The following HSP90AA1 variants were observed in gnomAD, a reference collection of about 807,000 sequenced individuals.
The protein encoded by HSP90AA1 is heat shock protein HSP 90-alpha.
Under a neutral mutation model 73.3 loss-of-function variants are expected in HSP90AA1, and 18 were observed. The ratio of observed to expected loss-of-function variants is 0.25; its 90% CI spans 0.17 to 0.36. The LOEUF is 0.36. Among genes scored for constraint, HSP90AA1 ranks in the 10% least tolerant of loss-of-function variants. The pLI is 1.00. For synonymous variants in HSP90AA1, 477 were observed against 296.9 expected, an observed-to-expected ratio of 1.61 and a Z score of -6.24; for missense variants, 704 against 874.2, an observed-to-expected ratio of 0.81 and a Z score of 2.45.
At chr14:102,092,811 C>G (rs1023735851) in intron 2 of HSP90AA1, among the ~76,000 whole-genome samples, 2 of 152,056 alleles carry the variant, frequency 1.3e-5, no homozygotes, top group Non-Finnish European at 2.9e-5. Flanking sequence ...AGTGCAGTGG[C>G]AAAATCTCGG....
chr14:102,083,479 AACAC>A, intron 8 of HSP90AA1, 63 bp downstream of exon 8: 1 of 1,520,174 alleles, frequency 6.6e-7, no homozygotes, highest in Non-Finnish European at 9.1e-7. Context: ...CTGAGTAGAA[AACAC>A]ACCCACAGAG....
intron 1 of HSP90AA1, among the ~76,000 whole-genome samples, chr14:102,120,719 G>C (rs866487598): frequency 2.0e-5 from 3 of 151,914 alleles, no homozygotes; most frequent in Non-Finnish European, 4.4e-5. Flanking sequence ...GAGGCGGGCC[G>C]ATTACCTCAG....
intron 9 of HSP90AA1, chr14:102,082,755 G>A (rs1468069354): frequency 6.0e-6 from 3 of 503,790 alleles, no homozygotes; most frequent in South Asian, 2.1e-5. Flanking sequence ...CAAGTGGCTA[G>A]GATTACAGGC....
chr14:102,120,770 CTATCTCTACTAAAAATACAAAAAT>C (rs1379148237), intron 1 of HSP90AA1, among the ~76,000 whole-genome samples: 1 of 151,766 alleles, frequency 6.6e-6, no homozygotes, highest in Non-Finnish European at 1.5e-5. Flanking sequence ...TGGTGAAACC[CTATCTCTACTAAAAATACAAAAAT>C]TAGCGTGGCG....
At chr14:102,106,446 G>C (rs1400646391) in intron 1 of HSP90AA1, among the ~76,000 whole-genome samples, 2 of 151,712 alleles carry the variant, frequency 1.3e-5, no homozygotes, top group African/African-American at 2.4e-5. Context: ...AAGAAATCCT[G>C]ATTATGCAAT....
rs541930960 is a variant in HSP90AA1 at position 102,135,889 on chromosome 14, TCTCCCTGCACAC to T, written c.155+3349_155+3360del. On this transcript the variant is annotated intron_variant, in intron 1 of 11. Transcript: ENST00000334701. ...CGCAGCCCCGGTTCCCGCTCTCGCC[TCTCCCTGCACAC>T]CTCCCTGCAAGCTGAGGGAGTGGGC... 1.8e-4 allele frequency among the ~76,000 whole-genome samples: 27 copies of T among 152,160 alleles called. No homozygotes were observed. The East Asian group carries it at 5.2e-3, about 30-fold the overall frequency.
At chr14:102,107,909 T>C (rs921634421) in intron 1 of HSP90AA1, among the ~76,000 whole-genome samples, 10 of 151,838 alleles carry the variant, frequency 6.6e-5, no homozygotes, top group African/African-American at 2.4e-4. Flanking sequence ...GCTTCTGGTT[T>C]CTGTAATTGT....
At chr14:102,094,839 C>T (rs1214524373) in intron 2 of HSP90AA1, among the ~76,000 whole-genome samples, 2 of 152,148 alleles carry the variant, frequency 1.3e-5, no homozygotes, top group African/African-American at 4.8e-5. Flanking sequence ...CCCGCATCCA[C>T]TCTGACCGTG....
rs369417801 is a variant in HSP90AA1 at position 102,084,807 on chromosome 14, G to T, written c.855C>A (p.Ile285=). The change falls in exon 5 of 11, where the codon ATC becomes ATA. Residue 285 remains isoleucine (I), a synonymous_variant. Coordinates refer to ENST00000216281, the MANE Select transcript of HSP90AA1 (RefSeq NM_005348.4). The part of the protein sequence containing the change: ...KKKKKIKEKY[I]DQEELNKTKP... ...TTGTTTTGTTGAGCTCTTCTTGATC[G>T]ATGTACTTTTCCTTAATCTTCTTCT... 2 of 1,613,268 alleles carry T rather than the reference G, an allele frequency of 1.2e-6. No homozygotes were observed. The highest frequency in any genetic ancestry group is 1.7e-6 in the Non-Finnish European group (2 of 1,179,376).
At chr14:102,126,110 T>C (rs2049835768) in intron 1 of HSP90AA1, among the ~76,000 whole-genome samples, 1 of 152,062 alleles carries the variant, frequency 6.6e-6, no homozygotes, top group Non-Finnish European at 1.5e-5. Context: ...AGCCTTTAAG[T>C]TGAAAAGTGA....
chr14:102,084,056 C>G, intron 6 of HSP90AA1, 73 bp from the exon 7 acceptor site: 1 of 1,126,880 alleles, frequency 8.9e-7, no homozygotes, highest in African/African-American at 1.5e-5. Context: ...CTCCCAAAAT[C>G]AAAGATAACC....
At chr14:102,117,232 G>A (rs995603432) in intron 1 of HSP90AA1, among the ~76,000 whole-genome samples, 5 of 152,160 alleles carry the variant, frequency 3.3e-5, no homozygotes, top group South Asian at 2.1e-4. Flanking sequence ...GAAGTAGACC[G>A]GCTCCAGGGT....
chr14:102,116,128 T>C (rs567582917), intron 1 of HSP90AA1, among the ~76,000 whole-genome samples: 1 of 152,198 alleles, frequency 6.6e-6, no homozygotes, highest in East Asian at 1.9e-4. Flanking sequence ...ATTTTTTTTG[T>C]ATTTTTAGTA....
chr14:102,114,711 C>G (rs980455397), intron 1 of HSP90AA1, among the ~76,000 whole-genome samples: 1 of 152,080 alleles, frequency 6.6e-6, no homozygotes, highest in Non-Finnish European at 1.5e-5. Context: ...TATAGAAATT[C>G]TTTGTTTTAG....
At chr14:102,126,910 G>C (rs541649577) in intron 1 of HSP90AA1, among the ~76,000 whole-genome samples, 2 of 152,174 alleles carry the variant, frequency 1.3e-5, no homozygotes, top group East Asian at 3.9e-4. Context: ...ATTAACAAAT[G>C]AATCTTACTT....
chr14:102,131,294 C>A (rs1360365360), intron 1 of HSP90AA1, among the ~76,000 whole-genome samples: 42 of 152,204 alleles, frequency 2.8e-4, no homozygotes, highest in Non-Finnish European at 1.5e-4. Context: ...CTCCCACAAG[C>A]CACATCCCAT....
rs139051948 is a variant in HSP90AA1, at chr14:102,086,022, G to C, written c.265C>G (p.Leu89Val). The C allele has an allele frequency of 6.2e-7, 1 of 1,613,940 alleles. No homozygotes were observed. The highest frequency in any genetic ancestry group is 1.1e-5 in the South Asian group (1 of 91,074). ...CCAATTCCAGTATCCACAATAGTGA[G>C]AGTTCGATCTTGTTTGTTCGGTATA... The part of the protein sequence containing the change: ...NLIPNKQDRT[L>V]TIVDTGIGMT... The change falls in exon 3 of 11, where the codon CTC (leucine) becomes GTC (valine). Residue 89 changes from leucine (L) to valine (V), a missense_variant. By Grantham distance (32) the Leu-to-Val change is conservative. Coordinates refer to ENST00000216281, the MANE Select transcript of HSP90AA1 (RefSeq NM_005348.4).
rs2050167776 is a variant in HSP90AA1, at chr14:102,139,307, CG to C, written c.97del (p.Arg33ValfsTer18). The C allele has an allele frequency of 6.2e-7, 1 of 1,613,808 alleles. No homozygotes were observed. Among genetic ancestry groups the C allele is most frequent in the Non-Finnish European group, 8.5e-7 (1 of 1,180,032 alleles). ...GGGGCTTCCTGGGCGGGGATCCAGA[CG>C]GTCGCGCGGGTATTCAGCACTCTGG... On this transcript the variant is annotated frameshift_variant, in exon 1 of 12. Transcript: ENST00000334701. LOFTEE classifies it high-confidence loss of function.
chr14:102,108,616 GC>G (rs1465167265), intron 1 of HSP90AA1, among the ~76,000 whole-genome samples: 3 of 146,010 alleles, frequency 2.1e-5, no homozygotes, highest in African/African-American at 7.7e-5. Flanking sequence ...GCTTACTGCA[GC>G]CTCAACCTCC....
Sources: gnomAD v4.1 joint callset for allele counts (sites outside exome capture counted in the v4.1 genomes callset) on GRCh38, gnomAD v4.1.1 for gene constraint, MANE v1.5 for transcripts, NCBI Gene and HGNC (gene_info 2026-07-23, HGNC 2026-07-21) for gene names.